AGTPBP1: variants seen among roughly 807,000 people sequenced by gnomAD.
AGTPBP1 encodes the protein cytosolic carboxypeptidase 1.
AGTPBP1 carries 70 observed loss-of-function variants against 143.9 expected under a neutral mutation model. That is an observed-to-expected ratio of 0.49 (90% CI 0.40 to 0.59). The LOEUF (loss-of-function observed/expected upper bound fraction) is 0.59. Ranked by LOEUF, AGTPBP1 falls within the 20% of genes least tolerant of loss-of-function variation. AGTPBP1 has a pLI of 0.00. For missense variants in AGTPBP1, 1,229 were observed against 1,464.5 expected, an observed-to-expected ratio of 0.84 and a Z score of 2.62; for synonymous variants, 463 against 500.2, an observed-to-expected ratio of 0.93 and a Z score of 0.99.
Position 85,579,036 on chromosome 9 carries a change from C to G in AGTPBP1, c.3226G>C (p.Val1076Leu). ...PAFCMSSCSFVVEKSKESTAR... is the reference protein window; with the variant it reads ...PAFCMSSCSFLVEKSKESTAR... ...GTGGATTCTTTAGATTTTTCCACTA[C>G]GAAGCTACAGCTGCTCATGCAAAAT... The change falls in exon 24 of 26, where the codon GTA becomes CTA. Residue 1076 changes from valine (V) to leucine (L), a missense_variant. Around this residue, in one of 2 missense-constraint regions of AGTPBP1, gnomAD observed 486 missense variants for 652.3 expected, o/e 0.75. Transcript: ENST00000357081. 6.2e-7 allele frequency: 1 copy of G among 1,611,284 alleles called. No homozygotes were observed. The highest frequency in any genetic ancestry group is 1.7e-5 in the Admixed American group (1 of 59,244).
At chr9:85,708,770 A>G (rs1423173634) in intron 2 of AGTPBP1, among the ~76,000 whole-genome samples, 2 of 152,184 alleles carry the variant, frequency 1.3e-5, no homozygotes, top group South Asian at 4.1e-4. Context: ...TCCTGACCTC[A>G]GGTGATCTGC....
At chr9:85,628,451 T>C (rs543663587) in intron 14 of AGTPBP1, among the ~76,000 whole-genome samples, 7 of 152,174 alleles carry the variant, frequency 4.6e-5, no homozygotes, top group African/African-American at 7.2e-5. Context: ...TACAATTATA[T>C]GATGATGAGA....
In AGTPBP1 at chr9:85,708,832, G is replaced by A. The variant is rs10156403; in HGVS notation, c.32+3670C>T. ...ATTACAGGCGTGAGCCACCATGCCC[G>A]GCCAAGAATTTATACTTTAAGAACT... On this transcript the variant is annotated intron_variant, in intron 2 of 25. Transcript: ENST00000357081. Among the ~76,000 whole-genome samples the A allele has an allele frequency of 6.1e-3, 924 of 152,226 alleles. 9 individuals carry two copies. Among genetic ancestry groups the A allele is most frequent in the African/African-American group, 0.02 (851 of 41,534 alleles).
the AGTPBP1 span, among the ~76,000 whole-genome samples, chr9:85,783,443 T>G: frequency 6.6e-6 from 1 of 152,168 alleles, no homozygotes; most frequent in Non-Finnish European, 1.5e-5. Context: ...ACAGTTGCAA[T>G]TATATTGGGG....
At chr9:85,775,303 CA>C in the AGTPBP1 span, among the ~76,000 whole-genome samples, 1,786 of 138,430 alleles carry the variant, frequency 0.013, 17 homozygotes, top group African/African-American at 0.04. Context: ...GACCCTGTCT[CA>C]AAAAAAAAAA....
At chr9:85,702,077 C>T (rs868749604) in intron 2 of AGTPBP1, among the ~76,000 whole-genome samples, 1 of 152,338 alleles carries the variant, frequency 6.6e-6, no homozygotes. Context: ...GTTCTGCTAT[C>T]TAGCGTATAT....
At chr9:85,762,135 G>C in the AGTPBP1 span, among the ~76,000 whole-genome samples, 4 of 152,104 alleles carry the variant, frequency 2.6e-5, no homozygotes, top group African/African-American at 9.7e-5. Flanking sequence ...GTGCTGGAGA[G>C]GATGTGGAGA....
At chr9:85,742,496 A>T (rs1214785628), upstream of AGTPBP1, among the ~76,000 whole-genome samples, 1 of 152,158 alleles carries the variant, frequency 6.6e-6, no homozygotes, top group African/African-American at 2.4e-5. Context: ...CCATAATAAG[A>T]GGCTGGAAGG....
chr9:85,793,675 T>G, the AGTPBP1 span, among the ~76,000 whole-genome samples: 3 of 152,178 alleles, frequency 2.0e-5, no homozygotes, highest in African/African-American at 7.2e-5. Flanking sequence ...GTATGAGGTA[T>G]TCTTAGTAAG....
intron 2 of AGTPBP1, among the ~76,000 whole-genome samples, chr9:85,710,420 A>G (rs938481822): frequency 1.3e-5 from 2 of 152,174 alleles, no homozygotes; most frequent in Non-Finnish European, 2.9e-5. Context: ...AAATTTGAAG[A>G]AAGAAAAAAA....
chr9:85,587,715 TC>T (rs1828703017), intron 21 of AGTPBP1, among the ~76,000 whole-genome samples: 5 of 152,150 alleles, frequency 3.3e-5, no homozygotes, highest in Admixed American at 2.6e-4. Flanking sequence ...CTATACTAAA[TC>T]CCATCTTTCA....
intron 2 of AGTPBP1, among the ~76,000 whole-genome samples, chr9:85,696,697 T>C (rs755151708): frequency 3.9e-5 from 6 of 152,056 alleles, no homozygotes; most frequent in South Asian, 2.1e-4. Context: ...TCCACATTTA[T>C]AAGATTTGAT....
rs1168206351 is a variant in AGTPBP1, at chr9:85,663,169, A to C, written c.663-2196T>G. On this transcript the variant is annotated intron_variant, in intron 8 of 25. Coordinates refer to ENST00000357081, the MANE Select transcript of AGTPBP1 (RefSeq NM_001330701.2). ...GAATACCAGAAAATGAAAGCTGTAC[A>C]GGGATTTTCAGCGAGTTGTGTTTGA... Among the ~76,000 whole-genome samples the C allele has an allele frequency of 2.6e-5, 4 of 152,176 alleles. No individual in the cohort carries two copies. In the South Asian group the frequency reaches 6.2e-4, roughly 24 times the overall value.
chr9:85,561,594 A>T (rs188426397), intron 25 of AGTPBP1, among the ~76,000 whole-genome samples: 1 of 152,248 alleles, frequency 6.6e-6, no homozygotes, highest in East Asian at 1.9e-4. Context: ...TTTGGGAAAA[A>T]GAAAAATGAT....
At chr9:85,562,857 AT>A (rs1382868208) in intron 25 of AGTPBP1, among the ~76,000 whole-genome samples, 3 of 152,166 alleles carry the variant, frequency 2.0e-5, no homozygotes, top group African/African-American at 7.2e-5. Flanking sequence ...TGAAATCCTA[AT>A]TCCCAAGGTG....
At chr9:85,759,152 A>T in the AGTPBP1 span, among the ~76,000 whole-genome samples, 2 of 152,146 alleles carry the variant, frequency 1.3e-5, no homozygotes, top group African/African-American at 4.8e-5. Flanking sequence ...AGAGACTTAG[A>T]CTCCCACACA....
chr9:85,693,322 C>T (rs145169108), intron 2 of AGTPBP1, among the ~76,000 whole-genome samples: 223 of 152,264 alleles, frequency 1.5e-3, no homozygotes, highest in African/African-American at 4.6e-3. Flanking sequence ...GTACATAGGC[C>T]GGGCACAGAG....
intron 3 of AGTPBP1, among the ~76,000 whole-genome samples, chr9:85,689,462 TC>T: frequency 6.6e-6 from 1 of 152,316 alleles, no homozygotes; most frequent in Middle Eastern, 3.4e-3. Context: ...GCTATAAATT[TC>T]CACTTTGGTA....
the AGTPBP1 span, among the ~76,000 whole-genome samples, chr9:85,767,764 T>C: frequency 6.6e-6 from 1 of 152,160 alleles, no homozygotes; most frequent in Non-Finnish European, 1.5e-5. Flanking sequence ...TTACAGGCCT[T>C]GAGCCACCGC....
Sources: gnomAD v4.1 joint callset for allele counts (sites outside exome capture counted in the v4.1 genomes callset) on GRCh38, gnomAD v4.1.1 for gene constraint, gnomAD v4.1.1 regional missense constraint, MANE v1.5 for transcripts, NCBI Gene and HGNC (gene_info 2026-07-23, HGNC 2026-07-21) for gene names.